Variants in ZC3H6 observed in about 807,000 individuals in gnomAD.
ZC3H6 encodes the protein zinc finger CCCH domain-containing protein 6.
In ZC3H6, 40 loss-of-function variants were observed where a neutral mutation model predicts 107.7. The observed-to-expected ratio is 0.37, with a 90% CI of 0.29 to 0.48. ZC3H6 has a LOEUF of 0.48. Ranked by LOEUF, ZC3H6 falls within the 20% of genes least tolerant of loss-of-function variation. The pLI is 0.98. For missense variants in ZC3H6, 1,267 were observed against 1,410.4 expected, an observed-to-expected ratio of 0.90 and a Z score of 1.63; for synonymous variants, 493 against 487.9, an observed-to-expected ratio of 1.01 and a Z score of -0.14.
chr2:112,312,143 A>T (rs1173536785), intron 5 of ZC3H6: 2 of 493,418 alleles, frequency 4.1e-6, no homozygotes, highest in Non-Finnish European at 6.7e-6. Context: ...TTTGAAATAA[A>T]ATTGTTATGT....
rs1157174486 is a variant in ZC3H6 at position 112,338,855 on chromosome 2, GTATATATA to G, written c.*6418_*6425del. 864 of 37,928 alleles carry G rather than the reference GTATATATA, an allele frequency of 0.023. 21 individuals carry two copies. The highest frequency in any genetic ancestry group is 0.046 in the East Asian group (15 of 324). 2.3% of individuals were successfully genotyped at this position (37,928 alleles called of 1,614,324 possible). A position where few individuals can be genotyped will look rare whatever the true frequency, so the allele number is the denominator to read the frequency against. On this transcript the variant is annotated 3_prime_UTR_variant, in exon 12 of 12. Transcript: ENST00000409871. ...TATATATATATGTATGTATATGTGTGTATATATATATATATATATATATATATATATAT... is the reference window on the plus strand; with the variant it reads ...TATATATATATGTATGTATATGTGTGTATATATATATATATATATATATAT...
chr2:112,287,988 A>G (rs1417964358), intron 1 of ZC3H6, among the ~76,000 whole-genome samples: 1 of 152,208 alleles, frequency 6.6e-6, no homozygotes, highest in African/African-American at 2.4e-5. Flanking sequence ...TTTATCCTTT[A>G]GTTGGTTACT....
intron 1 of ZC3H6, among the ~76,000 whole-genome samples, chr2:112,288,024 C>T (rs1323565907): frequency 1.3e-5 from 2 of 152,228 alleles, no homozygotes; most frequent in Admixed American, 1.3e-4. Context: ...CATCTGTTGT[C>T]ACCATAATCC....
chr2:112,338,952 A>C lies in ZC3H6; in HGVS notation c.*6464A>C, dbSNP rs112345638. On this transcript the variant is annotated 3_prime_UTR_variant, in exon 12 of 12. Transcript: ENST00000409871. ...GAGACGGAGTCTTGCTCTGTCACCC[A>C]GGCTGGAGTACAGCTCACAGCAACC... is the stretch of plus-strand genomic sequence containing the variant. 1 of 146,310 alleles carries C rather than the reference A, an allele frequency of 6.8e-6. No individual in the cohort carries two copies. The highest frequency in any genetic ancestry group is 2.5e-5 in the African/African-American group (1 of 40,526). The allele number at this position is 146,310 out of a possible 1,614,324, so 9.1% of individuals were successfully genotyped here.
At chr2:112,300,108 ATTATT>A (rs1676340229) in intron 2 of ZC3H6, 79 bp downstream of exon 2, 4 of 945,216 alleles carry the variant, frequency 4.2e-6, no homozygotes, top group Non-Finnish European at 5.7e-6. Context: ...AGTAGAAGTC[ATTATT>A]TTATTATAAA....
At chr2:112,292,046 A>G (rs1196487983) in intron 1 of ZC3H6, among the ~76,000 whole-genome samples, 1 of 152,160 alleles carries the variant, frequency 6.6e-6, no homozygotes, top group East Asian at 1.9e-4. Flanking sequence ...TAATTGGTTC[A>G]TTTGGGGACT....
rs1677106007 is a variant in ZC3H6 at position 112,334,644 on chromosome 2, T to C, written c.*2156T>C. 2 of 152,546 alleles carry C rather than the reference T, an allele frequency of 1.3e-5. No homozygotes were observed. The highest frequency in any genetic ancestry group is 4.8e-5 in the African/African-American group (2 of 41,450). 9.4% of individuals were successfully genotyped at this position (152,546 alleles called of 1,614,324 possible). On this transcript the variant is annotated 3_prime_UTR_variant, in exon 12 of 12. Transcript: ENST00000409871. The stretch of plus-strand genomic sequence containing the variant: ...TTGAACTTAGTTTCAAATTTGACAA[T>C]ATATTTTATATGAAAATGTTTATGT...
intron 11 of ZC3H6, among the ~76,000 whole-genome samples, chr2:112,329,387 A>G (rs1456884401): frequency 1.3e-5 from 2 of 152,228 alleles, no homozygotes; most frequent in Non-Finnish European, 2.9e-5. Flanking sequence ...TACTATGAGG[A>G]GTGAAATTAC....
At chr2:112,306,921 C>T (rs367879376) in intron 3 of ZC3H6, among the ~76,000 whole-genome samples, 5 of 152,274 alleles carry the variant, frequency 3.3e-5, no homozygotes, top group African/African-American at 9.6e-5. Flanking sequence ...AAATGCAGCT[C>T]CAAATGCTGC....
At chr2:112,300,508 A>C (rs1676351875) in intron 2 of ZC3H6, among the ~76,000 whole-genome samples, 1 of 152,236 alleles carries the variant, frequency 6.6e-6, no homozygotes. Context: ...CCGGGCTTCA[A>C]GTTAAATTTT....
rs567178413 is a variant in ZC3H6, at chr2:112,314,560, C to G, written c.748-1910C>G. On this transcript the variant is annotated intron_variant, in intron 5 of 11. Transcript: ENST00000409871. ...GCTAAGTACAACTTGTTGCATTTTTCAGGGTGTGTGTGTGTGTGTGATTAC... is the reference window on the plus strand; with the variant it reads ...GCTAAGTACAACTTGTTGCATTTTTGAGGGTGTGTGTGTGTGTGTGATTAC... 5.9e-5 allele frequency among the ~76,000 whole-genome samples: 9 copies of G among 151,992 alleles called. No homozygotes were observed. The South Asian group carries it at 1.9e-3, about 32-fold the overall frequency.
intron 2 of ZC3H6, among the ~76,000 whole-genome samples, chr2:112,301,930 C>A (rs1013944948): frequency 4.0e-5 from 6 of 151,562 alleles, no homozygotes; most frequent in African/African-American, 1.5e-4. Context: ...AAATTCAAAT[C>A]ATAAGAAATT....
At position 112,331,861 on chromosome 2, in the gene ZC3H6, T is replaced by C. The variant is rs753367790; in HGVS notation, c.2943T>C (p.Ser981=). The C allele has an allele frequency of 6.2e-7, 1 of 1,613,888 alleles. No individual in the cohort carries two copies. Among genetic ancestry groups the C allele is most frequent in the Non-Finnish European group, 8.5e-7 (1 of 1,179,882 alleles). Residue 981 remains serine, a synonymous_variant, in exon 12 of 12, where the codon TCT becomes TCC. Transcript: ENST00000409871. ...TTCACAGACTGCCCAATACAGAGTCTCATCAAGTGGTTATGAAGGATTCAC... is the reference window on the plus strand; with the variant it reads ...TTCACAGACTGCCCAATACAGAGTCCCATCAAGTGGTTATGAAGGATTCAC... ...PRLHRLPNTE[S]HQVVMKDSHA... is the part of the protein sequence containing the mutation.
At chr2:112,281,087 C>T (rs1241022010) in intron 1 of ZC3H6, among the ~76,000 whole-genome samples, 1 of 152,064 alleles carries the variant, frequency 6.6e-6, no homozygotes, top group Non-Finnish European at 1.5e-5. Context: ...AACATATTTT[C>T]TTGGGAGAGA....
At chr2:112,278,096 C>G (rs1435344499) in intron 1 of ZC3H6, among the ~76,000 whole-genome samples, 3 of 152,070 alleles carry the variant, frequency 2.0e-5, no homozygotes, top group Non-Finnish European at 4.4e-5. Flanking sequence ...TTGTTCTGCC[C>G]AGAGCAACTG....
In ZC3H6 at chr2:112,324,329, AC is replaced by A; in HGVS notation, c.1520del (p.Pro507LeufsTer20). On this transcript the variant is annotated frameshift_variant, in exon 10 of 12. Transcript: ENST00000409871. LOFTEE classifies it high-confidence loss of function. The stretch of plus-strand genomic sequence containing the variant: ...CCCCTGGACATCACCCATGTGCAGG[AC>A]CTCCTGGTCTACCAGTGCCACAGAG... Reference protein sequence around the residue: ...GSPGHHPCAGPPGLPVPQSPP... With the variant: ...GSPGHHPCAGXPGLPVPQSPP... 1 of 1,613,916 alleles carries A rather than the reference AC, an allele frequency of 6.2e-7. No individual in the cohort carries two copies. The highest frequency in any genetic ancestry group is 8.5e-7 in the Non-Finnish European group (1 of 1,179,868).
At chr2:112,328,234 T>C (rs6542054) in intron 11 of ZC3H6, among the ~76,000 whole-genome samples, 99,557 of 152,090 alleles carry the variant, frequency 0.65, 34,630 homozygotes, top group African/African-American at 0.9. Context: ...TTTTGATTAC[T>C]ATAGCTCTCT....
At chr2:112,303,127 A>G in intron 2 of ZC3H6, 102 bp from the exon 3 acceptor site, 1 of 1,402,508 alleles carries the variant, frequency 7.1e-7, no homozygotes. Flanking sequence ...GAATAATATA[A>G]TCTACTGGTT....
At chr2:112,284,108 T>G (rs946048923) in intron 1 of ZC3H6, among the ~76,000 whole-genome samples, 9 of 152,244 alleles carry the variant, frequency 5.9e-5, no homozygotes, top group African/African-American at 1.9e-4. Flanking sequence ...GGATTTTTCT[T>G]GATTATTGGC....
Sources: allele counts gnomAD v4.1 joint callset (sites outside exome capture counted in the v4.1 genomes callset), GRCh38; gene constraint gnomAD v4.1.1; transcripts MANE v1.5; gene names NCBI Gene and HGNC (gene_info 2026-07-23, HGNC 2026-07-21).